CYP2W1: variants seen among roughly 807,000 people sequenced by gnomAD.
The protein encoded by CYP2W1 is cytochrome P450 family 2 subfamily W member 1, also known as cytochrome P450 2W1.
A neutral mutation model predicts 44.9 loss-of-function variants in CYP2W1; 51 were observed. The observed-to-expected ratio is 1.14, with a 90% CI of 0.91 to 1.43. The LOEUF (loss-of-function observed/expected upper bound fraction) is 1.43, where lower values mean the gene tolerates loss of function less well. Ranked by LOEUF, CYP2W1 falls within the 40% of genes most tolerant of loss-of-function variation. The probability of loss-of-function intolerance (pLI) is 0.00; values close to 1 mark genes in which losing one functional copy is unlikely to be tolerated. For synonymous variants in CYP2W1, 383 were observed against 338.3 expected (o/e 1.13, Z -1.45); for missense variants, 746 against 700.0 (o/e 1.07, Z -0.74).
chr7:986,484 C>T (rs1292297234), intron 4 of CYP2W1, 140 bp from the exon 5 acceptor site: 2 of 948,026 alleles, frequency 2.1e-6, no homozygotes, highest in Non-Finnish European at 3.2e-6. Context: ...GGCTAAGGGT[C>T]CCCCCGTTCT....
At chr7:983,517 G>A in intron 1 of CYP2W1, 132 bp downstream of exon 1, 1 of 865,136 alleles carries the variant, frequency 1.2e-6, no homozygotes. Context: ...GCACGCAGGA[G>A]GCCGGAGGGC....
In CYP2W1 at chr7:987,363, G is replaced by A. The variant is rs1186943073; in HGVS notation, c.975G>A (p.Glu325=). ...TTGCCCCAGGCCGGGTGCAGGAGGA[G>A]CTAGACCGCGTGCTGGGCCCTGGGC... ...HPDVQGRVQE[E]LDRVLGPGRT... is the part of the protein sequence containing the mutation. The change falls in exon 7 of 9, where the codon GAG becomes GAA. Residue 325 remains glutamate, a synonymous_variant. Coordinates refer to ENST00000308919, the MANE Select transcript of CYP2W1 (RefSeq NM_017781.3). The A allele has an allele frequency of 1.3e-6, 2 of 1,589,756 alleles. No homozygotes were observed.
intron 7 of CYP2W1, 98 bp from the exon 8 acceptor site, chr7:988,179 G>C (rs1848538293): frequency 1.5e-6 from 2 of 1,362,592 alleles, no homozygotes; most frequent in South Asian, 1.4e-5. Flanking sequence ...GGTGTGGTGG[G>C]TGTGGCAGGA....
chr7:987,039 GGGCT>G, intron 5 of CYP2W1, 64 bp from the exon 6 acceptor site: 5 of 1,431,968 alleles, frequency 3.5e-6, no homozygotes, highest in Non-Finnish European at 4.6e-6. Flanking sequence ...GCCCAGGGCT[GGGCT>G]GGGTCTGTGG....
chr7:983,977 G>C (rs527558066), intron 1 of CYP2W1, among the ~76,000 whole-genome samples: 1 of 152,294 alleles, frequency 6.6e-6, no homozygotes, highest in South Asian at 2.1e-4. Context: ...GCCTCCGGCT[G>C]CCCCCAACTG....
intron 1 of CYP2W1, 81 bp downstream of exon 1, chr7:983,466 G>C (rs1848078348): frequency 1.6e-5 from 21 of 1,299,944 alleles, no homozygotes; most frequent in Admixed American, 6.3e-5. Flanking sequence ...GCCCAGCCCG[G>C]TTTCCACTGC....
At chr7:988,540 G>A (rs1416562079) in intron 8 of CYP2W1, 95 bp from the exon 9 acceptor site, 9 of 1,597,806 alleles carry the variant, frequency 5.6e-6, no homozygotes, top group African/African-American at 1.3e-5. Context: ...GGCGGCTGTG[G>A]TGGCTGCTCC....
Position 985,335 on chromosome 7 carries a change from C to T in CYP2W1, c.645+12C>T. ...CCCCTGGCCTGCAGGTGAGGAGCTG[C>T]CTCCCATCCTTGGGGTGGGGTGGAG... On this transcript the variant is annotated intron_variant, in intron 4 of 8. Transcript: ENST00000308919. 6.5e-7 allele frequency: 1 copy of T among 1,547,918 alleles called. No individual in the cohort carries two copies.
At chr7:986,317 A>T in intron 4 of CYP2W1, 1 of 411,502 alleles carries the variant, frequency 2.4e-6, no homozygotes, top group Non-Finnish European at 4.4e-6. Context: ...CTTCCATTCC[A>T]TGACTCACAG....
chr7:988,354 C>G lies in CYP2W1; in HGVS notation c.1221C>G (p.Pro407=), dbSNP rs770923014. The G allele has an allele frequency of 6.2e-7, 1 of 1,612,650 alleles. No individual in the cohort carries two copies. Among genetic ancestry groups the G allele is most frequent in the Non-Finnish European group, 8.5e-7 (1 of 1,179,800 alleles). The change falls in exon 8 of 9, where the codon CCC becomes CCG. Residue 407 remains proline (P), a synonymous_variant. Coordinates refer to ENST00000308919, the MANE Select transcript of CYP2W1 (RefSeq NM_017781.3). The part of the protein sequence containing the change: ...TQWQTPGQFN[P]GHFLDANGHF... ...GGCAGACCCCAGGCCAGTTCAACCC[C>G]GGCCATTTCCTGGACGCGAATGGGC...
At position 989,222 on chromosome 7, in the gene CYP2W1, G is replaced by A. The variant is rs1490387958; in HGVS notation, c.*400G>A. The stretch of plus-strand genomic sequence containing the variant: ...ACAGGCGCAGGTGGGTGTCCTCAGC[G>A]TGCGAGCCCTGCACCCCCCAGGTCC... On this transcript the variant is annotated 3_prime_UTR_variant, in exon 9 of 9. Coordinates refer to ENST00000308919, the MANE Select transcript of CYP2W1 (RefSeq NM_017781.3). 2.3e-5 allele frequency: 5 copies of A among 216,712 alleles called. No individual in the cohort carries two copies. Among genetic ancestry groups the A allele is most frequent in the South Asian group, 1.5e-4 (1 of 6,728 alleles). 13.4% of individuals were successfully genotyped at this position (216,712 alleles called of 1,614,324 possible).
intron 4 of CYP2W1, chr7:986,295 G>T: frequency 2.9e-6 from 1 of 339,474 alleles, no homozygotes; most frequent in Non-Finnish European, 5.5e-6. Context: ...CAAGGTCTGA[G>T]GTCTGCTCTG....
chr7:984,586 G>A lies in CYP2W1; in HGVS notation c.337+12G>A. On this transcript the variant is annotated intron_variant, in intron 2 of 8. Transcript: ENST00000308919. ...CCAGCGAGGTGGAGGTCGGTGTGTG[G>A]CCGGCGCTACGGGGCCTACTGGGTG... 1 of 1,558,070 alleles carries A rather than the reference G, an allele frequency of 6.4e-7. No homozygotes were observed.
At position 989,238 on chromosome 7, in the gene CYP2W1, C is replaced by G. The variant is rs1583248038; in HGVS notation, c.*416C>G. On this transcript the variant is annotated 3_prime_UTR_variant, in exon 9 of 9. Coordinates refer to ENST00000308919, the MANE Select transcript of CYP2W1 (RefSeq NM_017781.3). ...GTCCTCAGCGTGCGAGCCCTGCACC[C>G]CCCAGGTCCTGGGACTCCTGCAGAC... The G allele has an allele frequency of 4.9e-6, 1 of 202,058 alleles. No homozygotes were observed. Among genetic ancestry groups the G allele is most frequent in the African/African-American group, 2.3e-5 (1 of 43,396 alleles). The allele number at this position is 202,058 out of a possible 1,614,324, so 12.5% of individuals were successfully genotyped here.
rs764253603 is a variant in CYP2W1, at chr7:984,469, G to C, written c.232G>C (p.Val78Leu). The change falls in exon 2 of 9, where the codon GTG (valine) becomes CTG (leucine). Residue 78 changes from valine (V) to leucine (L), a missense_variant. Val to Leu is a conservative substitution (Grantham distance 32, BLOSUM62 1). Transcript: ENST00000308919. ...TVHLGRQKTV[V>L]LTGFEAVKEA... The stretch of plus-strand genomic sequence containing the variant: ...GCACCTGGGGCGCCAGAAGACGGTG[G>C]TGCTGACGGGGTTCGAGGCGGTCAA... 1 of 1,551,434 alleles carries C rather than the reference G, an allele frequency of 6.4e-7. No individual in the cohort carries two copies. Among genetic ancestry groups the C allele is most frequent in the Non-Finnish European group, 8.7e-7 (1 of 1,148,086 alleles).
chr7:988,919 G>C lies in CYP2W1; in HGVS notation c.*97G>C. The C allele has an allele frequency of 2.5e-6, 2 of 802,626 alleles. No homozygotes were observed. Among genetic ancestry groups the C allele is most frequent in the Non-Finnish European group, 3.9e-6 (2 of 519,098 alleles). 49.7% of individuals were successfully genotyped at this position (802,626 alleles called of 1,614,324 possible). ...CCACCCCACAGCTCGGACTGCTCTGGGAGGGCCCTGAGGACTCCCACCCTC... is the reference window on the plus strand; with the variant it reads ...CCACCCCACAGCTCGGACTGCTCTGCGAGGGCCCTGAGGACTCCCACCCTC... On this transcript the variant is annotated 3_prime_UTR_variant, in exon 9 of 9. Transcript: ENST00000308919.
intron 1 of CYP2W1, 88 bp from the exon 2 acceptor site, chr7:984,324 C>A (rs970030238): frequency 1.3e-6 from 2 of 1,485,160 alleles, no homozygotes; most frequent in Non-Finnish European, 1.8e-6. Flanking sequence ...CTGTCCCCAC[C>A]CCTACCCAGC....
At position 985,276 on chromosome 7, in the gene CYP2W1, G is replaced by A. The variant is rs1848248134; in HGVS notation, c.598G>A (p.Gly200Ser). 6.4e-7 allele frequency: 1 copy of A among 1,551,762 alleles called. No homozygotes were observed. ...YRDPVFVSLL[G>S]LIDEVMVLLG... The stretch of plus-strand genomic sequence containing the variant: ...GGACCCCGTGTTTGTGTCCCTGCTG[G>A]GTCTCATCGATGAGGTCATGGTCCT... Residue 200 changes from glycine (G) to serine (S), a missense_variant, in exon 4 of 9, where the codon GGT (glycine) becomes AGT (serine). Physicochemically the swap from Gly to Ser is moderately conservative, Grantham distance 56. Coordinates refer to ENST00000308919, the MANE Select transcript of CYP2W1 (RefSeq NM_017781.3).
In CYP2W1 at chr7:987,452, A is replaced by G. The variant is rs1475944373; in HGVS notation, c.1064A>G (p.Gln355Arg). ...PYTSAVLHEV[Q>R]RFITLLPHVP... is the part of the protein sequence containing the mutation. ...ACAAGCGCCGTGCTCCACGAGGTGCAGCGGTTCATCACGCTCCTGCCGCAC... is the reference window on the plus strand; with the variant it reads ...ACAAGCGCCGTGCTCCACGAGGTGCGGCGGTTCATCACGCTCCTGCCGCAC... The change falls in exon 7 of 9, where the codon CAG (glutamine) becomes CGG (arginine). Residue 355 changes from glutamine (Q) to arginine (R), a missense_variant. By Grantham distance (43) the Gln-to-Arg change is conservative (BLOSUM62 1). Coordinates refer to ENST00000308919, the MANE Select transcript of CYP2W1 (RefSeq NM_017781.3). The G allele has an allele frequency of 6.3e-7, 1 of 1,580,480 alleles. No individual in the cohort carries two copies. Among genetic ancestry groups the G allele is most frequent in the East Asian group, 2.3e-5 (1 of 43,756 alleles).
Sources: gnomAD v4.1 joint callset for allele counts (sites outside exome capture counted in the v4.1 genomes callset) on GRCh38, gnomAD v4.1.1 for gene constraint, MANE v1.5 for transcripts, NCBI Gene and HGNC (gene_info 2026-07-23, HGNC 2026-07-21) for gene names.